The following MOB3B variants were observed in gnomAD, a reference collection of about 807,000 sequenced individuals.
MOB3B encodes the protein MOB kinase activator-like 2B.
In MOB3B, 7 loss-of-function variants were observed where a neutral mutation model predicts 18.7. That is an observed-to-expected ratio of 0.37 (90% CI 0.21 to 0.70). The LOEUF is 0.70. Among genes scored for constraint, MOB3B ranks in the 30% least tolerant of loss-of-function variants. The pLI is 0.52. For synonymous variants in MOB3B, 111 were observed against 99.9 expected (o/e 1.11, Z -0.66); for missense variants, 253 against 281.3 (o/e 0.90, Z 0.72).
At chr9:27,432,375 C>A (rs1294833833) in intron 2 of MOB3B, among the ~76,000 whole-genome samples, 1 of 152,132 alleles carries the variant, frequency 6.6e-6, no homozygotes, top group African/African-American at 2.4e-5. Context: ...TGTAAAAGTT[C>A]TATTCAGTAT....
At chr9:27,484,746 AC>A in intron 1 of MOB3B, among the ~76,000 whole-genome samples, 1 of 151,594 alleles carries the variant, frequency 6.6e-6, no homozygotes, top group East Asian at 1.9e-4. Flanking sequence ...CAACCCCCCG[AC>A]CCCCGGCCTC....
chr9:27,506,165 G>A (rs534866945), intron 1 of MOB3B, among the ~76,000 whole-genome samples: 26 of 152,294 alleles, frequency 1.7e-4, no homozygotes, highest in Non-Finnish European at 2.8e-4. Context: ...GGGAACCACT[G>A]GAAGTCTTGG....
chr9:27,509,502 C>T (rs911521204), intron 1 of MOB3B, among the ~76,000 whole-genome samples: 1 of 152,110 alleles, frequency 6.6e-6, no homozygotes, highest in Non-Finnish European at 1.5e-5. Context: ...CTTCAACCTC[C>T]GCCTCCTGGG....
chr9:27,332,152 C>G (rs1820798567), intron 3 of MOB3B, among the ~76,000 whole-genome samples: 1 of 152,170 alleles, frequency 6.6e-6, no homozygotes, highest in African/African-American at 2.4e-5. Context: ...AACACCACAC[C>G]TGGCTAGTTT....
At chr9:27,354,807 C>G (rs1821161251) in intron 3 of MOB3B, among the ~76,000 whole-genome samples, 1 of 152,116 alleles carries the variant, frequency 6.6e-6, no homozygotes, top group Non-Finnish European at 1.5e-5. Context: ...ACTACATTTG[C>G]TAGGAGTCTA....
At chr9:27,343,563 C>A (rs1587143047) in intron 3 of MOB3B, among the ~76,000 whole-genome samples, 1 of 151,142 alleles carries the variant, frequency 6.6e-6, no homozygotes, top group East Asian at 2.0e-4. Flanking sequence ...TCCTTATTCT[C>A]AGACTCCCAG....
chr9:27,518,730 G>A (rs1365281876), intron 1 of MOB3B, among the ~76,000 whole-genome samples: 1 of 152,140 alleles, frequency 6.6e-6, no homozygotes, highest in Non-Finnish European at 1.5e-5. Flanking sequence ...GACAGCTACA[G>A]GGAGCATCAT....
intron 1 of MOB3B, among the ~76,000 whole-genome samples, chr9:27,494,464 C>A (rs1221841429): frequency 1.3e-5 from 2 of 152,112 alleles, no homozygotes; most frequent in Non-Finnish European, 2.9e-5. Context: ...TTTAAAATTT[C>A]TCTCTTTTGT....
chr9:27,513,214 T>C (rs1820172338), intron 1 of MOB3B, among the ~76,000 whole-genome samples: 1 of 152,186 alleles, frequency 6.6e-6, no homozygotes, highest in Non-Finnish European at 1.5e-5. Context: ...AACCCAAATA[T>C]ACCCTAAGTA....
chr9:27,414,412 G>A (rs1433215060), intron 2 of MOB3B, among the ~76,000 whole-genome samples: 1 of 152,226 alleles, frequency 6.6e-6, no homozygotes, highest in Non-Finnish European at 1.5e-5. Context: ...GTTTGCAGCT[G>A]CTGAGAGCCC....
At chr9:27,433,248 TTAATA>T (rs1249208370) in intron 2 of MOB3B, among the ~76,000 whole-genome samples, 6 of 152,052 alleles carry the variant, frequency 3.9e-5, no homozygotes, top group Admixed American at 3.3e-4. Context: ...TTATTATACT[TTAATA>T]TAATAATTTT....
At chr9:27,395,454 T>A (rs554279057) in intron 2 of MOB3B, among the ~76,000 whole-genome samples, 3,250 of 150,810 alleles carry the variant, frequency 0.022, 77 homozygotes, top group African/African-American at 0.058. Flanking sequence ...ATAGATTTTT[T>A]AAAAAAAAAA....
intron 2 of MOB3B, among the ~76,000 whole-genome samples, chr9:27,426,651 T>C (rs1428794172): frequency 1.3e-5 from 2 of 152,206 alleles, no homozygotes; most frequent in Non-Finnish European, 2.9e-5. Flanking sequence ...GCTCAGCTGA[T>C]ATCTAATCTC....
intron 1 of MOB3B, among the ~76,000 whole-genome samples, chr9:27,513,819 T>C (rs2764325): frequency 0.93 from 142,179 of 152,206 alleles, 66,969 homozygotes; most frequent in East Asian, 1. Context: ...ACATGAAGTT[T>C]CCCTATTCTT....
At chr9:27,369,825 C>T (rs62540096) in intron 2 of MOB3B, among the ~76,000 whole-genome samples, 21,448 of 152,152 alleles carry the variant, frequency 0.14, 2,083 homozygotes, top group Non-Finnish European at 0.21. Context: ...ACTAATTTGT[C>T]ACTTCCTCTA....
At chr9:27,427,183 C>T (rs1822346796) in intron 2 of MOB3B, among the ~76,000 whole-genome samples, 1 of 152,170 alleles carries the variant, frequency 6.6e-6, no homozygotes, top group South Asian at 2.1e-4. Context: ...GTGCTAGTTC[C>T]ATTTTTTTTC....
intron 1 of MOB3B, among the ~76,000 whole-genome samples, chr9:27,509,238 T>C (rs1820101403): frequency 6.6e-6 from 1 of 151,812 alleles, no homozygotes; most frequent in South Asian, 2.1e-4. Context: ...ATAGTTCCAA[T>C]GCCAAGCCTT....
chr9:27,399,005 G>C (rs944576165), intron 2 of MOB3B, among the ~76,000 whole-genome samples: 6 of 151,548 alleles, frequency 4.0e-5, no homozygotes, highest in African/African-American at 1.2e-4. Flanking sequence ...GGGGCAGGGG[G>C]GTGGGAAACA....
intron 3 of MOB3B, among the ~76,000 whole-genome samples, chr9:27,341,497 T>C (rs1459562799): frequency 1.3e-5 from 2 of 152,224 alleles, no homozygotes; most frequent in African/African-American, 4.8e-5. Context: ...TTCTAAGCAG[T>C]CTCACTCCTT....
Sources: gnomAD v4.1 joint callset for allele counts (sites outside exome capture counted in the v4.1 genomes callset) on GRCh38, gnomAD v4.1.1 for gene constraint, MANE v1.5 for transcripts, NCBI Gene and HGNC (gene_info 2026-07-23, HGNC 2026-07-21) for gene names.